Variants in MPP7 observed in about 807,000 individuals in gnomAD.
The protein encoded by MPP7 is MAGUK p55 scaffold protein 7, also known as MAGUK p55 subfamily member 7.
In MPP7, 60 loss-of-function variants were observed where a neutral mutation model predicts 76.5. That is an observed-to-expected ratio of 0.78 (90% confidence interval 0.64 to 0.97). MPP7 has a LOEUF of 0.97. MPP7 is among the 50% of genes least tolerant of loss of function. MPP7 has a pLI of 0.00. For synonymous variants in MPP7, 237 were observed against 244.5 expected (o/e 0.97, Z 0.29); for missense variants, 641 against 694.0 (o/e 0.92, Z 0.86).
upstream of MPP7, chr10:28,305,815 G>A (rs866445935): frequency 1.3e-5 from 2 of 152,226 alleles, no homozygotes. Context: ...AATTAGTAAC[G>A]ACATTCTGAA....
At chr10:28,160,569 A>G (rs1379166213) in intron 3 of MPP7, among the ~76,000 whole-genome samples, 2 of 152,168 alleles carry the variant, frequency 1.3e-5, no homozygotes, top group African/African-American at 4.8e-5. Context: ...TCCCCACAAA[A>G]TAGTCTCAGG....
chr10:28,158,890 T>C (rs1892395), intron 3 of MPP7, among the ~76,000 whole-genome samples: 138,940 of 152,194 alleles, frequency 0.91, 63,507 homozygotes, highest in African/African-American at 0.96. Flanking sequence ...TGTCTCCCTG[T>C]CCCAACACAA....
chr10:28,199,879 AACAC>A (rs3064104), intron 3 of MPP7, among the ~76,000 whole-genome samples: 16,711 of 148,798 alleles, frequency 0.11, 936 homozygotes, highest in African/African-American at 0.13. Flanking sequence ...AGCCCATTTA[AACAC>A]ACACACACAC....
At position 28,322,961 on chromosome 10, in the gene MPP7, T is replaced by C. The variant is rs977801074; in HGVS notation, c.-132+6968A>G. On this transcript the variant is annotated intron_variant, in intron 2 of 11. Transcript: ENST00000441595. ...TTGAGCCAGGAGTTCAAGACCAGAC[T>C]GGACAACATAATAAGACCCATCTCT... Among the ~76,000 whole-genome samples, 4 of 152,006 alleles carry C rather than the reference T, an allele frequency of 2.6e-5. No individual in the cohort carries two copies. The South Asian group carries it at 6.2e-4, about 24-fold the overall frequency.
At chr10:28,219,532 A>T (rs997917204) in intron 2 of MPP7, among the ~76,000 whole-genome samples, 1 of 152,154 alleles carries the variant, frequency 6.6e-6, no homozygotes, top group Non-Finnish European at 1.5e-5. Context: ...AAGTCTGGGG[A>T]AGCCATAAAC....
chr10:28,306,668 TAGAG>T (rs55731439), upstream of MPP7, among the ~76,000 whole-genome samples: 1 of 148,396 alleles, frequency 6.7e-6, no homozygotes, highest in Non-Finnish European at 1.5e-5. Context: ...GATAGATAGA[TAGAG>T]AGAGAGAGAG....
chr10:28,245,267 C>T (rs1255006349), intron 1 of MPP7, among the ~76,000 whole-genome samples: 1 of 152,168 alleles, frequency 6.6e-6, no homozygotes, highest in Non-Finnish European at 1.5e-5. Flanking sequence ...CTGGCATTCC[C>T]TTAAGTCCTC....
chr10:28,115,070 T>A (rs1175159816), intron 11 of MPP7, among the ~76,000 whole-genome samples: 2 of 130,598 alleles, frequency 1.5e-5, no homozygotes, highest in Non-Finnish European at 3.0e-5. Context: ...ATACGTTAGG[T>A]TTTTTGTTTG....
intron 2 of MPP7, among the ~76,000 whole-genome samples, chr10:28,215,339 GA>G (rs140707145): frequency 2.7e-5 from 4 of 148,696 alleles, no homozygotes; most frequent in South Asian, 2.1e-4. Context: ...AAGAAGGGAG[GA>G]AAAAAAAAAT....
At chr10:28,150,982 T>G (rs1458370927) in intron 3 of MPP7, among the ~76,000 whole-genome samples, 1 of 152,146 alleles carries the variant, frequency 6.6e-6, no homozygotes. Flanking sequence ...AAAACTCACT[T>G]TAGTCTCTTT....
chr10:28,163,194 C>T (rs891433922), intron 3 of MPP7, among the ~76,000 whole-genome samples: 1 of 152,122 alleles, frequency 6.6e-6, no homozygotes, highest in Admixed American at 6.5e-5. Flanking sequence ...GAACACATCC[C>T]TTCCTCTCCC....
intron 1 of MPP7, among the ~76,000 whole-genome samples, chr10:28,333,774 ATTT>A (rs1374365234): frequency 6.6e-6 from 1 of 152,192 alleles, no homozygotes; most frequent in African/African-American, 2.4e-5. Context: ...GGTGGAATTA[ATTT>A]TTTTAAGTCT....
At chr10:28,117,039 T>G (rs1029654380) in intron 11 of MPP7, among the ~76,000 whole-genome samples, 1 of 152,128 alleles carries the variant, frequency 6.6e-6, no homozygotes, top group African/African-American at 2.4e-5. Context: ...CCTTATTTAT[T>G]TCTATGTTGA....
At chr10:28,172,548 A>G (rs1246597576) in intron 3 of MPP7, among the ~76,000 whole-genome samples, 1 of 150,064 alleles carries the variant, frequency 6.7e-6, no homozygotes, top group Non-Finnish European at 1.5e-5. Flanking sequence ...ATATTTGACA[A>G]TGAGCGGCAG....
At chr10:28,302,607 A>AACAGGGGTCT (rs1298206232) in intron 1 of MPP7, among the ~76,000 whole-genome samples, 24 of 151,846 alleles carry the variant, frequency 1.6e-4, no homozygotes, top group African/African-American at 5.1e-4. Context: ...CCCGCGCGTC[A>AACAGGGGTCT]ACAGGGGTCT....
chr10:28,102,305 G>GA (rs1187724574), intron 11 of MPP7, among the ~76,000 whole-genome samples: 3 of 152,176 alleles, frequency 2.0e-5, no homozygotes, highest in East Asian at 3.9e-4. Context: ...ACTGCGCTTG[G>GA]ATTATTACAA....
chr10:28,329,912 G>T (rs1244240685), intron 2 of MPP7: 4 of 152,180 alleles, frequency 2.6e-5, no homozygotes, highest in Non-Finnish European at 5.9e-5. Context: ...TGACTAAAAT[G>T]CTCTAATGAT....
At chr10:28,091,280 C>T (rs11006854) in intron 11 of MPP7, among the ~76,000 whole-genome samples, 37,452 of 150,612 alleles carry the variant, frequency 0.25, 6,540 homozygotes, top group East Asian at 0.88. Flanking sequence ...CTTTGATAAA[C>T]AGATAACTTT....
At chr10:28,144,359 T>G (rs1167668782) in intron 5 of MPP7, among the ~76,000 whole-genome samples, 1 of 152,074 alleles carries the variant, frequency 6.6e-6, no homozygotes, top group Non-Finnish European at 1.5e-5. Context: ...GGCCATATAA[T>G]TTATCACCCA....
Sources: gnomAD v4.1 joint callset for allele counts (sites outside exome capture counted in the v4.1 genomes callset) on GRCh38, gnomAD v4.1.1 for gene constraint, MANE v1.5 for transcripts, NCBI Gene and HGNC (gene_info 2026-07-23, HGNC 2026-07-21) for gene names.